Variants in TIAM1 observed in about 807,000 individuals in gnomAD.
TIAM1 encodes the protein rho guanine nucleotide exchange factor TIAM1.
TIAM1 carries 65 observed loss-of-function variants against 163.5 expected under a neutral mutation model. The ratio of observed to expected loss-of-function variants is 0.40; its 90% CI spans 0.33 to 0.49. The LOEUF (loss-of-function observed/expected upper bound fraction) is 0.49. Ranked by LOEUF, TIAM1 falls within the 20% of genes least tolerant of loss-of-function variation. The pLI, the probability that TIAM1 is intolerant of heterozygous loss-of-function variation, is 0.77. For synonymous variants in TIAM1, 833 were observed against 810.1 expected, an observed-to-expected ratio of 1.03 and a Z score of -0.48; for missense variants, 1,789 against 2,044.7, an observed-to-expected ratio of 0.87 and a Z score of 2.41.
chr21:31,122,426 T>G (rs1436702898), intron 27 of TIAM1, among the ~76,000 whole-genome samples: 1 of 152,222 alleles, frequency 6.6e-6, no homozygotes, highest in Admixed American at 6.5e-5. Context: ...GTTAATGATT[T>G]GCATGCTGAA....
At chr21:31,406,711 T>C (rs2077253505) in intron 2 of TIAM1, among the ~76,000 whole-genome samples, 1 of 152,142 alleles carries the variant, frequency 6.6e-6, no homozygotes. Flanking sequence ...CTCTCAGCCC[T>C]GTAGGTAGAA....
chr21:31,209,319 T>C (rs2086608908), intron 11 of TIAM1, among the ~76,000 whole-genome samples: 1 of 152,250 alleles, frequency 6.6e-6, no homozygotes, highest in Non-Finnish European at 1.5e-5. Context: ...AGTAAAGTTC[T>C]TCTTTCCTCT....
intron 2 of TIAM1, among the ~76,000 whole-genome samples, chr21:31,281,858 T>TG (rs921256131): frequency 8.6e-5 from 13 of 151,690 alleles, no homozygotes; most frequent in Non-Finnish European, 1.5e-4. Context: ...AATTGATGGG[T>TG]GGTAGGTGGA....
At chr21:31,524,445 A>G (rs891323598) in intron 1 of TIAM1, among the ~76,000 whole-genome samples, 1 of 152,202 alleles carries the variant, frequency 6.6e-6, no homozygotes, top group Non-Finnish European at 1.5e-5. Context: ...CCCCTCCTCC[A>G]ACACCGGGAG....
chr21:31,227,302 A>G (rs971121186), intron 6 of TIAM1, among the ~76,000 whole-genome samples: 3 of 152,058 alleles, frequency 2.0e-5, no homozygotes, highest in African/African-American at 7.2e-5. Flanking sequence ...AGCACATGAC[A>G]CTGTGCTGGC....
intron 14 of TIAM1, among the ~76,000 whole-genome samples, chr21:31,186,396 C>G (rs8132120): frequency 2.0e-5 from 3 of 152,160 alleles, no homozygotes; most frequent in Non-Finnish European, 4.4e-5. Context: ...ATGCTCTGCT[C>G]CAGGAAGAAC....
At chr21:31,534,612 T>A (rs1254455527) in intron 1 of TIAM1, among the ~76,000 whole-genome samples, 3 of 152,096 alleles carry the variant, frequency 2.0e-5, no homozygotes, top group Non-Finnish European at 4.4e-5. Flanking sequence ...AGGCAGAGGT[T>A]GCAGTGAGTC....
At chr21:31,337,518 GTTA>G (rs55760697) in intron 2 of TIAM1, among the ~76,000 whole-genome samples, 17,687 of 147,192 alleles carry the variant, frequency 0.12, 1,409 homozygotes, top group East Asian at 0.43. Context: ...TATTATTGTT[GTTA>G]TTATTATTAT....
Position 31,423,199 on chromosome 21 carries a change from C to T in TIAM1, c.-369+40784G>A, listed in dbSNP as rs185248858. On this transcript the variant is annotated intron_variant, in intron 2 of 28. Transcript: ENST00000286827. ...CTGCAAGCTCCGCCTCCCGGGTTCA[C>T]GCCATTCTCCTGCCTCAGTCTCCCG... Among the ~76,000 whole-genome samples the T allele has an allele frequency of 3.0e-3, 457 of 150,080 alleles. 5 individuals are homozygous for T. Among genetic ancestry groups the T allele is most frequent in the Non-Finnish European group, 2.7e-3 (183 of 67,670 alleles).
rs182287450 is a variant in TIAM1, at chr21:31,426,757, G to C, written c.-369+37226C>G. Among the ~76,000 whole-genome samples, 285 of 152,068 alleles carry C rather than the reference G, an allele frequency of 1.9e-3. 2 individuals carry two copies. Among genetic ancestry groups the C allele is most frequent in the African/African-American group, 6.7e-3 (277 of 41,470 alleles). On this transcript the variant is annotated intron_variant, in intron 2 of 28. Transcript: ENST00000286827. ...GCCAGTTCTTAGTGAAAATTAACTT[G>C]AAAGAAAAGTCATCAGAACAGCAAG...
chr21:31,474,722 T>C (rs1396256954), intron 1 of TIAM1, among the ~76,000 whole-genome samples: 1 of 151,958 alleles, frequency 6.6e-6, no homozygotes, highest in Non-Finnish European at 1.5e-5. Flanking sequence ...ATTTTGTATT[T>C]TTAGTAGAGA....
At chr21:31,523,345 C>T (rs1539758) in intron 1 of TIAM1, among the ~76,000 whole-genome samples, 11,664 of 152,184 alleles carry the variant, frequency 0.077, 1,217 homozygotes, top group African/African-American at 0.23. Context: ...TCTAAAACAA[C>T]ACAATGATTT....
chr21:31,120,233 A>G lies in TIAM1; in HGVS notation c.*135T>C, dbSNP rs1356975680. 9 of 868,474 alleles carry G rather than the reference A, an allele frequency of 1.0e-5. No homozygotes were observed. The highest frequency in any genetic ancestry group is 3.1e-5 in the Admixed American group (1 of 32,442). The allele number at this position is 868,474 out of a possible 1,614,324, so 53.8% of individuals were successfully genotyped here. A position where few individuals can be genotyped will look rare whatever the true frequency, so the allele number is the denominator to read the frequency against. On this transcript the variant is annotated 3_prime_UTR_variant, in exon 28 of 28. Transcript: ENST00000541036. The surrounding 1 kb of genome is among the most constrained non-coding windows in gnomAD (Gnocchi z 4.2). ...CAAAGTTGGGTGGCTACATGGCTTC[A>G]GAACCAAGTCAGCTGCCAAAACCGT...
chr21:31,195,448 T>A, intron 12 of TIAM1, 143 bp from the exon 13 acceptor site: 1 of 630,496 alleles, frequency 1.6e-6, no homozygotes, highest in African/African-American at 1.8e-5. Context: ...CGAAACTCAT[T>A]AAAAGTAAAA....
chr21:31,316,045 G>A (rs1228874396), intron 2 of TIAM1, among the ~76,000 whole-genome samples: 1 of 152,012 alleles, frequency 6.6e-6, no homozygotes, highest in South Asian at 2.1e-4. Context: ...ACAAAAATAC[G>A]GCCGACTGTC....
intron 2 of TIAM1, among the ~76,000 whole-genome samples, chr21:31,331,900 T>C (rs574964746): frequency 4.6e-5 from 7 of 152,298 alleles, no homozygotes; most frequent in African/African-American, 1.7e-4. Context: ...AAGGGAAATA[T>C]TGAACATTCA....
chr21:31,414,380 G>GA (rs1349120785), intron 2 of TIAM1, among the ~76,000 whole-genome samples: 4 of 152,090 alleles, frequency 2.6e-5, no homozygotes, highest in African/African-American at 4.8e-5. Context: ...TTTTCTTCTC[G>GA]AATCTAACAG....
At chr21:31,142,771 G>T (rs996604947) in intron 20 of TIAM1, among the ~76,000 whole-genome samples, 1 of 152,144 alleles carries the variant, frequency 6.6e-6, no homozygotes, top group South Asian at 2.1e-4. Flanking sequence ...AAGTTAACTC[G>T]GTGGCACCAC....
At chr21:31,252,528 C>G (rs2146751600) in intron 4 of TIAM1, among the ~76,000 whole-genome samples, 1 of 152,318 alleles carries the variant, frequency 6.6e-6, no homozygotes, top group Non-Finnish European at 1.5e-5. Context: ...TCTACCGCTG[C>G]CATGCTGAGA....
Sources: allele counts gnomAD v4.1 joint callset (sites outside exome capture counted in the v4.1 genomes callset), GRCh38; gene constraint gnomAD v4.1.1; non-coding constraint Gnocchi (gnomAD v3.1); transcripts MANE v1.5; gene names NCBI Gene and HGNC (gene_info 2026-07-23, HGNC 2026-07-21).